The following POU2F1 variants were observed in gnomAD, a reference collection of about 807,000 sequenced individuals.
The protein encoded by POU2F1 is POU domain, class 2, transcription factor 1.
A neutral mutation model predicts 84.9 loss-of-function variants in POU2F1; 16 were observed. The ratio of observed to expected loss-of-function variants is 0.19; its 90% CI spans 0.13 to 0.29. POU2F1 has a LOEUF of 0.29. Ranked by LOEUF, POU2F1 falls within the 10% of genes least tolerant of loss-of-function variation. POU2F1 has a pLI of 1.00. For synonymous variants in POU2F1, 368 were observed against 368.3 expected (o/e 1.00, Z 0.01); for missense variants, 738 against 942.6 (o/e 0.78, Z 2.84).
chr1:167,300,569 A>T (rs1174892544), intron 1 of POU2F1, among the ~76,000 whole-genome samples: 2 of 151,998 alleles, frequency 1.3e-5, no homozygotes, highest in Non-Finnish European at 2.9e-5. Context: ...GGTTCAAGCG[A>T]TTCTCCTGCC....
chr1:167,221,044 A>G, intron 1 of POU2F1, 86 bp downstream of exon 1: 1 of 1,187,098 alleles, frequency 8.4e-7, no homozygotes, highest in Non-Finnish European at 1.2e-6. Context: ...ATAATTTATT[A>G]GTACTCAGGA....
At chr1:167,332,649 T>A in intron 2 of POU2F1, 114 bp downstream of exon 2, 1 of 732,398 alleles carries the variant, frequency 1.4e-6, no homozygotes. Context: ...AGTATTGAGT[T>A]GTCAAATATG....
intron 4 of POU2F1, 126 bp downstream of exon 4, chr1:167,370,340 C>T (rs1045625581): frequency 2.0e-5 from 14 of 684,418 alleles, no homozygotes; most frequent in African/African-American, 1.3e-4. Context: ...TAGTGAATCT[C>T]GTGAAGATTC....
chr1:167,338,488 G>C (rs1265224737), intron 2 of POU2F1, among the ~76,000 whole-genome samples: 3 of 152,152 alleles, frequency 2.0e-5, no homozygotes, highest in Admixed American at 1.3e-4. Flanking sequence ...GGGTTCGACT[G>C]TATGACCTTT....
intron 2 of POU2F1, among the ~76,000 whole-genome samples, chr1:167,350,456 C>G (rs1425567009): frequency 6.6e-6 from 1 of 152,110 alleles, no homozygotes; most frequent in African/African-American, 2.4e-5. Context: ...CCTATAGTAA[C>G]AAATGTATTT....
intron 1 of POU2F1, among the ~76,000 whole-genome samples, chr1:167,240,283 C>T (rs992482642): frequency 2.6e-5 from 4 of 152,134 alleles, no homozygotes; most frequent in Non-Finnish European, 5.9e-5. Flanking sequence ...CTAGAAGCCT[C>T]TGCTGTAAAG....
intron 5 of POU2F1, among the ~76,000 whole-genome samples, chr1:167,372,793 A>G (rs1660092219): frequency 6.6e-6 from 1 of 152,230 alleles, no homozygotes; most frequent in Non-Finnish European, 1.5e-5. Context: ...CTAAGGCACC[A>G]TTCAAAATAT....
chr1:167,300,859 C>G (rs1211697775), intron 1 of POU2F1, among the ~76,000 whole-genome samples: 1 of 152,086 alleles, frequency 6.6e-6, no homozygotes, highest in African/African-American at 2.4e-5. Context: ...CAACCTCCAA[C>G]CCCCTGGTTC....
chr1:167,312,824 G>T (rs1221445133), intron 1 of POU2F1, among the ~76,000 whole-genome samples: 1 of 152,044 alleles, frequency 6.6e-6, no homozygotes, highest in Non-Finnish European at 1.5e-5. Context: ...TATTTTTACG[G>T]TATCTTTTCT....
intron 1 of POU2F1, among the ~76,000 whole-genome samples, chr1:167,327,394 A>C (rs186387900): frequency 6.6e-6 from 1 of 152,186 alleles, no homozygotes; most frequent in Non-Finnish European, 1.5e-5. Flanking sequence ...TTCTCCCCCA[A>C]AGTCTCTCCT....
At chr1:167,289,670 C>G (rs34591354) in intron 1 of POU2F1, among the ~76,000 whole-genome samples, 2 of 152,190 alleles carry the variant, frequency 1.3e-5, no homozygotes, top group Non-Finnish European at 2.9e-5. Flanking sequence ...ATTTTATGAT[C>G]AATCACACCA....
At chr1:167,317,092 C>G (rs946405307) in intron 1 of POU2F1, among the ~76,000 whole-genome samples, 1 of 152,076 alleles carries the variant, frequency 6.6e-6, no homozygotes, top group African/African-American at 2.4e-5. Flanking sequence ...GGGGTTTCAC[C>G]ATGTTGGCCA....
chr1:167,387,911 A>C (rs1254706496), intron 8 of POU2F1, among the ~76,000 whole-genome samples: 2 of 152,240 alleles, frequency 1.3e-5, no homozygotes, highest in African/African-American at 2.4e-5. Flanking sequence ...AACAAAGAAG[A>C]AGCTAGCAGA....
intron 1 of POU2F1, among the ~76,000 whole-genome samples, chr1:167,301,177 T>TTC (rs35418115): frequency 4.1e-4 from 61 of 150,458 alleles, no homozygotes; most frequent in Admixed American, 1.3e-3. Flanking sequence ...TTTATATTGG[T>TTC]TCTCTCTCTC....
intron 1 of POU2F1, among the ~76,000 whole-genome samples, chr1:167,301,860 TG>T (rs1282717152): frequency 1.9e-4 from 29 of 152,210 alleles, no homozygotes; most frequent in Non-Finnish European, 2.9e-5. Flanking sequence ...GTAATTTAAA[TG>T]TTTTTTTCAT....
chr1:167,333,499 G>C (rs1265287591), intron 2 of POU2F1, among the ~76,000 whole-genome samples: 1 of 152,192 alleles, frequency 6.6e-6, no homozygotes, highest in Non-Finnish European at 1.5e-5. Flanking sequence ...GTAAGAGTGA[G>C]AGGCACTCTT....
At chr1:167,278,043 A>G (rs2102489634) in intron 1 of POU2F1, among the ~76,000 whole-genome samples, 1 of 152,208 alleles carries the variant, frequency 6.6e-6, no homozygotes, top group East Asian at 1.9e-4. Context: ...CAGTCATGTC[A>G]TTCTCCTCCA....
At chr1:167,279,731 T>C (rs556481809) in intron 1 of POU2F1, among the ~76,000 whole-genome samples, 1 of 151,954 alleles carries the variant, frequency 6.6e-6, no homozygotes, top group South Asian at 2.1e-4. Context: ...AAAAACCATA[T>C]GTTCCAGAGG....
chr1:167,396,342 C>G lies in POU2F1; in HGVS notation c.1044C>G (p.Thr348=). 1 of 1,614,074 alleles carries G rather than the reference C, an allele frequency of 6.2e-7. No individual in the cohort carries two copies. Among genetic ancestry groups the G allele is most frequent in the Non-Finnish European group, 8.5e-7 (1 of 1,179,950 alleles). The change falls in exon 10 of 16, where the codon ACC becomes ACG. Residue 348 remains threonine (T), a synonymous_variant. Coordinates refer to ENST00000367866, the MANE Select transcript of POU2F1 (RefSeq NM_002697.4). ...ATGGAAATGACTTCAGCCAAACTAC[C>G]ATCTCTCGATTTGAAGCCTTGAACC... is the stretch of plus-strand genomic sequence containing the variant. ...KLYGNDFSQT[T]ISRFEALNLS...
Sources: allele counts gnomAD v4.1 joint callset (sites outside exome capture counted in the v4.1 genomes callset), GRCh38; gene constraint gnomAD v4.1.1; transcripts MANE v1.5; gene names NCBI Gene and HGNC (gene_info 2026-07-23, HGNC 2026-07-21).